PEAR1: variants seen among roughly 807,000 people sequenced by gnomAD.
PEAR1 encodes the protein platelet endothelial aggregation receptor 1, also known as multiple EGF-like domains protein 12.
A neutral mutation model predicts 131.2 loss-of-function variants in PEAR1; 113 were observed. That is an observed-to-expected ratio of 0.86 (90% CI 0.74 to 1.01). The LOEUF is 1.01. Ranked by LOEUF, PEAR1 falls within the 50% of genes least tolerant of loss-of-function variation. The pLI is 0.00. For synonymous variants in PEAR1, 565 were observed against 523.3 expected, an observed-to-expected ratio of 1.08 and a Z score of -1.09; for missense variants, 1,408 against 1,391.1, an observed-to-expected ratio of 1.01 and a Z score of -0.19.
Position 156,910,215 on chromosome 1 carries a change from C to CG in PEAR1, c.1679-18dup. 1.9e-6 allele frequency: 3 copies of CG among 1,609,708 alleles called. No individual in the cohort carries two copies. The highest frequency in any genetic ancestry group is 2.5e-6 in the Non-Finnish European group (3 of 1,177,216). On this transcript the variant is annotated intron_variant, in intron 13 of 22. Coordinates refer to ENST00000292357, the MANE Select transcript of PEAR1 (RefSeq NM_001080471.3). ...TGAAGGGGGCCCAGCCAGGCACACC[C>CG]GACTGCTGTCTCCCACAGGTGCCCG... is the stretch of plus-strand genomic sequence containing the variant.
At position 156,908,263 on chromosome 1, in the gene PEAR1, G is replaced by A; in HGVS notation, c.1038G>A (p.Thr346=). 3 of 1,593,344 alleles carry A rather than the reference G, an allele frequency of 1.9e-6. No homozygotes were observed. Among genetic ancestry groups the A allele is most frequent in the Non-Finnish European group, 1.7e-6 (2 of 1,174,422 alleles). ...CEHGFTGDRC[T]DRLCPDGFYG... is the part of the protein sequence containing the mutation. ...ACGGCTTCACTGGGGACCGCTGCACGGATCGCCTCTGCCCCGACGGCTTCT... is the reference window on the plus strand; with the variant it reads ...ACGGCTTCACTGGGGACCGCTGCACAGATCGCCTCTGCCCCGACGGCTTCT... Residue 346 remains threonine, a synonymous_variant, in exon 9 of 23, where the codon ACG becomes ACA. Transcript: ENST00000292357. This position sits in a 1 kb window ranked among gnomAD's most constrained non-coding sequence, Gnocchi z 4.2.
intron 1 of PEAR1, among the ~76,000 whole-genome samples, chr1:156,894,092 A>G (rs1648921199): frequency 6.6e-6 from 1 of 152,178 alleles, no homozygotes; most frequent in South Asian, 2.1e-4. Flanking sequence ...ATGAAATGCT[A>G]GCGAGGTTGT....
intron 3 of PEAR1, chr1:156,905,054 T>G: frequency 6.9e-7 from 1 of 1,451,976 alleles, no homozygotes; most frequent in Non-Finnish European, 9.4e-7. Context: ...AGGGTACGCA[T>G]GCATGTTACA....
Position 156,913,986 on chromosome 1 carries a change from C to T in PEAR1, c.2848C>T (p.Pro950Ser), listed in dbSNP as rs2101554393. 1.2e-6 allele frequency: 2 copies of T among 1,613,614 alleles called. No homozygotes were observed. The highest frequency in any genetic ancestry group is 1.3e-5 in the African/African-American group (1 of 75,036). ...CAGCTACATGGAGATGAAAGGCCCT[C>T]CCTCAGGATCTCCCCCCAGGCAGCC... ...ESSYMEMKGP[P>S]SGSPPRQPPQ... The change falls in exon 22 of 23, where the codon CCC becomes TCC. Residue 950 changes from proline (P) to serine (S), a missense_variant. Pro to Ser is a moderately conservative substitution (Grantham distance 74). Transcript: ENST00000292357.
chr1:156,908,852 G>A lies in PEAR1; in HGVS notation c.1290+23G>A, dbSNP rs1650696337. 6.2e-7 allele frequency: 1 copy of A among 1,606,330 alleles called. No individual in the cohort carries two copies. Among genetic ancestry groups the A allele is most frequent in the Non-Finnish European group, 8.5e-7 (1 of 1,177,996 alleles). On this transcript the variant is annotated intron_variant, in intron 10 of 22. Transcript: ENST00000292357. The surrounding 1 kb of genome is among the most constrained non-coding windows in gnomAD (Gnocchi z 4.2). Reference sequence around the variant, plus strand: ...ACGGTGAGGCGCGCCCGGCTGCAAGGAAGCGAGGCAGGTGGAGAGGCCAAG... The same window carrying A: ...ACGGTGAGGCGCGCCCGGCTGCAAGAAAGCGAGGCAGGTGGAGAGGCCAAG...
chr1:156,910,050 C>A lies in PEAR1; in HGVS notation c.1620C>A (p.Asp540Glu), dbSNP rs758936152. Residue 540 changes from aspartate (D) to glutamate (E), a missense_variant, in exon 13 of 23, where the codon GAC (aspartate) becomes GAA (glutamate). Asp to Glu is a conservative substitution (Grantham distance 45). Coordinates refer to ENST00000292357, the MANE Select transcript of PEAR1 (RefSeq NM_001080471.3). ...GTTGTGCCAGTCGCTGTGACTGTGA[C>A]CACTCTGATGGCTGTGACCCTGTTC... ...GEGCASRCDCDHSDGCDPVHG... is the reference protein window; with the variant it reads ...GEGCASRCDCEHSDGCDPVHG... 5 of 1,614,012 alleles carry A rather than the reference C, an allele frequency of 3.1e-6. No individual in the cohort carries two copies. The highest frequency in any genetic ancestry group is 3.3e-4 in the Middle Eastern group (2 of 6,084).
In PEAR1 at chr1:156,912,356, T is replaced by A; in HGVS notation, c.2061T>A (p.Thr687=). The A allele has an allele frequency of 9.3e-6, 15 of 1,613,730 alleles. No homozygotes were observed. Among genetic ancestry groups the A allele is most frequent in the Non-Finnish European group, 1.3e-5 (15 of 1,179,840 alleles). The change falls in exon 16 of 23, where the codon ACT becomes ACA. Residue 687 remains threonine (T), a synonymous_variant. Transcript: ENST00000292357. Reference sequence around the variant, plus strand: ...GCTGTATCTGCCCCCTAGGCTGGACTGGACACCACTGCTTAGAAGGTACCA... The same window carrying A: ...GCTGTATCTGCCCCCTAGGCTGGACAGGACACCACTGCTTAGAAGGTACCA... ...DGSCICPLGW[T]GHHCLEGCPL...
chr1:156,903,758 G>C (rs1246277272), intron 1 of PEAR1, among the ~76,000 whole-genome samples, 160 bp from the exon 2 acceptor site: 2 of 152,216 alleles, frequency 1.3e-5, no homozygotes, highest in Non-Finnish European at 2.9e-5. Flanking sequence ...TGCAGTTCAG[G>C]AGTGAGGTGT....
rs755600925 is a variant in PEAR1, at chr1:156,907,645, T to G, written c.680T>G (p.Phe227Cys). Residue 227 changes from phenylalanine (F) to cysteine (C), a missense_variant, in exon 7 of 23, where the codon TTC becomes TGC. By Grantham distance (205) the Phe-to-Cys change is radical. Transcript: ENST00000292357. The stretch of plus-strand genomic sequence containing the variant: ...TCCTGTTCCCAGGGCACTTCTGGCT[T>G]CTTCTGCCCCAGCACCCATTCTTGC... ...DVSCSQGTSGFFCPSTHSCQN... is the reference protein window; with the variant it reads ...DVSCSQGTSGCFCPSTHSCQN... 6.2e-7 allele frequency: 1 copy of G among 1,613,924 alleles called. No homozygotes were observed. Among genetic ancestry groups the G allele is most frequent in the East Asian group, 2.2e-5 (1 of 44,884 alleles).
intron 15 of PEAR1, among the ~76,000 whole-genome samples, 183 bp downstream of exon 15, chr1:156,910,926 G>A (rs1181010532): frequency 2.6e-5 from 4 of 152,230 alleles, no homozygotes; most frequent in African/African-American, 4.8e-5. Flanking sequence ...CAGTGAACAG[G>A]TCAGGGGGAA....
chr1:156,901,747 G>A (rs1431857663), intron 1 of PEAR1, among the ~76,000 whole-genome samples: 4 of 152,166 alleles, frequency 2.6e-5, no homozygotes, highest in Non-Finnish European at 5.9e-5. Flanking sequence ...TGGAGGGCTC[G>A]GGGTCCTGAC....
At chr1:156,913,569 AGCCCAGATGCC>A (rs758724547) in intron 20 of PEAR1, 46 bp downstream of exon 20, 15 of 1,607,210 alleles carry the variant, frequency 9.3e-6, no homozygotes, top group Non-Finnish European at 1.2e-5. Flanking sequence ...GGATGTGTGC[AGCCCAGATGCC>A]GCGTCTGAGT....
At position 156,906,654 on chromosome 1, in the gene PEAR1, T is replaced by C. The variant is rs1488346435; in HGVS notation, c.418T>C (p.Trp140Arg). The C allele has an allele frequency of 6.2e-7, 1 of 1,614,006 alleles. No homozygotes were observed. Residue 140 changes from tryptophan to arginine, a missense_variant, in exon 6 of 23, where the codon TGG (tryptophan) becomes CGG (arginine). By Grantham distance (101) the Trp-to-Arg change is moderately radical (BLOSUM62 -3). Transcript: ENST00000292357. Reference sequence around the variant, plus strand: ...TCCCACAGAGTGTGCCCCAGGAATGTGGGGGCCACAGTGTGACAAGCCCTG... The same window carrying C: ...TCCCACAGAGTGTGCCCCAGGAATGCGGGGGCCACAGTGTGACAAGCCCTG... Reference protein sequence around the residue: ...DCSSECAPGMWGPQCDKPCSC... With the variant: ...DCSSECAPGMRGPQCDKPCSC...
In PEAR1 at chr1:156,912,872, T is replaced by C. The variant is rs1651392427; in HGVS notation, c.2312T>C (p.Leu771Pro). The C allele has an allele frequency of 5.0e-6, 8 of 1,614,210 alleles. No homozygotes were observed. Among genetic ancestry groups the C allele is most frequent in the Non-Finnish European group, 5.9e-6 (7 of 1,180,034 alleles). The change falls in exon 18 of 23, where the codon CTG (leucine) becomes CCG (proline). Residue 771 changes from leucine (L) to proline (P), a missense_variant. Leu to Pro is a moderately conservative substitution (Grantham distance 98). Coordinates refer to ENST00000292357, the MANE Select transcript of PEAR1 (RefSeq NM_001080471.3). Reference sequence around the variant, plus strand: ...GTGCTGGGGTCCCTTGTGGTAGCCCTGGTGGCACTGTTCATTGGCTATCGG... The same window carrying C: ...GTGCTGGGGTCCCTTGTGGTAGCCCCGGTGGCACTGTTCATTGGCTATCGG... Reference protein sequence around the residue: ...IAVLGSLVVALVALFIGYRHW... With the variant: ...IAVLGSLVVAPVALFIGYRHW...
In PEAR1 at chr1:156,909,811, A is replaced by G. The variant is rs768345969; in HGVS notation, c.1472A>G (p.Asn491Ser). The stretch of plus-strand genomic sequence containing the variant: ...CCCGGAACCTGGGGCTTCAGTTGCA[A>G]TGCCAGCTGCCAGTGTGCCCATGAG... ...CPPGTWGFSC[N>S]ASCQCAHEAV... The change falls in exon 12 of 23, where the codon AAT becomes AGT. Residue 491 changes from asparagine (N) to serine (S), a missense_variant. Physicochemically the swap from Asn to Ser is conservative, Grantham distance 46 (BLOSUM62 1). Transcript: ENST00000292357. 5 of 1,613,972 alleles carry G rather than the reference A, an allele frequency of 3.1e-6. No homozygotes were observed. In the Admixed American group the frequency reaches 8.3e-5, roughly 27 times the overall value.
At position 156,908,938 on chromosome 1, in the gene PEAR1, G is replaced by A; in HGVS notation, c.1313G>A (p.Cys438Tyr). 6.2e-7 allele frequency: 1 copy of A among 1,613,808 alleles called. No individual in the cohort carries two copies. Among genetic ancestry groups the A allele is most frequent in the South Asian group, 1.1e-5 (1 of 91,084 alleles). ...CAGGGCCCTCACTGTGCTAGTCTTT[G>A]TCCTCCTGACACCTACGGTGTCAAC... The part of the protein sequence containing the change: ...GYTGPHCASL[C>Y]PPDTYGVNCS... The change falls in exon 11 of 23, where the codon TGT (cysteine) becomes TAT (tyrosine). Residue 438 changes from cysteine (C) to tyrosine (Y), a missense_variant. Coordinates refer to ENST00000292357, the MANE Select transcript of PEAR1 (RefSeq NM_001080471.3). The surrounding 1 kb of genome is among the most constrained non-coding windows in gnomAD (Gnocchi z 4.2).
intron 15 of PEAR1, among the ~76,000 whole-genome samples, 160 bp from the exon 16 acceptor site, chr1:156,912,087 A>T (rs1383033767): frequency 6.6e-6 from 1 of 152,100 alleles, no homozygotes; most frequent in Non-Finnish European, 1.5e-5. Flanking sequence ...TGGGGCTGGA[A>T]ATAATCATTT....
At position 156,914,673 on chromosome 1, in the gene PEAR1, C is replaced by T. The variant is rs763111025; in HGVS notation, c.2989C>T (p.Pro997Ser). 1.2e-6 allele frequency: 2 copies of T among 1,613,134 alleles called. No homozygotes were observed. Among genetic ancestry groups the T allele is most frequent in the African/African-American group, 1.3e-5 (1 of 74,914 alleles). Residue 997 changes from proline (P) to serine (S), a missense_variant, in exon 23 of 23, where the codon CCT becomes TCT. Pro to Ser is a moderately conservative substitution (Grantham distance 74, BLOSUM62 -1). Coordinates refer to ENST00000292357, the MANE Select transcript of PEAR1 (RefSeq NM_001080471.3). ...HDRDSVGSQP[P>S]LPPGLPPGHY... ...CCGAGACTCTGTGGGCTCCCAGCCC[C>T]CTCTGCCTCCGGGCCTACCCCCCGG...
intron 16 of PEAR1, 37 bp from the exon 17 acceptor site, chr1:156,912,457 C>T: frequency 4.4e-6 from 7 of 1,605,588 alleles, no homozygotes; most frequent in Non-Finnish European, 6.0e-6. Context: ...TTCCTGGCGG[C>T]TCTGATGCCG....
Sources: allele counts gnomAD v4.1 joint callset (sites outside exome capture counted in the v4.1 genomes callset), GRCh38; gene constraint gnomAD v4.1.1; non-coding constraint Gnocchi (gnomAD v3.1); transcripts MANE v1.5; gene names NCBI Gene and HGNC (gene_info 2026-07-23, HGNC 2026-07-21).